Variants in KCNMB2 observed in about 807,000 individuals in gnomAD.
KCNMB2 encodes the protein potassium calcium-activated channel subfamily M regulatory beta subunit 2.
KCNMB2 carries 9 observed loss-of-function variants against 24.5 expected under a neutral mutation model. That is an observed-to-expected ratio of 0.37 (90% confidence interval 0.22 to 0.64). The LOEUF (loss-of-function observed/expected upper bound fraction) is 0.64, where lower values mean the gene tolerates loss of function less well. KCNMB2 is among the 30% of genes least tolerant of loss of function. KCNMB2 has a pLI of 0.63. For synonymous variants in KCNMB2, 109 were observed against 104.4 expected (o/e 1.04, Z -0.27); for missense variants, 226 against 284.3 (o/e 0.79, Z 1.47).
intron 2 of KCNMB2, among the ~76,000 whole-genome samples, chr3:178,807,753 C>T (rs1318971728): frequency 6.6e-6 from 1 of 152,156 alleles, no homozygotes; most frequent in Middle Eastern, 3.2e-3. Flanking sequence ...TCAATAAGAA[C>T]CACCACTCCC....
rs939776445 is a variant in KCNMB2 at position 178,654,410 on chromosome 3, AT to A, written c.-68+117702del. 1.2e-4 allele frequency among the ~76,000 whole-genome samples: 18 copies of A among 152,190 alleles called. 1 individual carries two copies. Among genetic ancestry groups the A allele is most frequent in the African/African-American group, 4.3e-4 (18 of 41,468 alleles). On this transcript the variant is annotated intron_variant, in intron 1 of 4. Coordinates refer to ENST00000452583, the MANE Select transcript of KCNMB2 (RefSeq NM_181361.3). ...CAGGAAAATTTACAGCTTTGAATAC[AT>A]TTATCACAAAACAAAGATGACCAAA...
intron 1 of KCNMB2, among the ~76,000 whole-genome samples, chr3:178,688,908 ATT>A (rs1721566340): frequency 1.3e-5 from 2 of 152,186 alleles, no homozygotes; most frequent in South Asian, 4.1e-4. Context: ...ATCAGTATTT[ATT>A]TTTATTTGAA....
intron 1 of KCNMB2, among the ~76,000 whole-genome samples, chr3:178,583,500 G>T (rs57263127): frequency 0.13 from 19,688 of 152,094 alleles, 1,751 homozygotes; most frequent in African/African-American, 0.26. Flanking sequence ...TAAGAACTTT[G>T]AGCTATTTAT....
At chr3:178,824,424 G>A (rs1393808265) in intron 2 of KCNMB2, 3 of 152,098 alleles carry the variant, frequency 2.0e-5, no homozygotes. Context: ...CTGGAGTGCA[G>A]TGGCATGATC....
chr3:178,741,473 T>C (rs1723494900), intron 1 of KCNMB2, among the ~76,000 whole-genome samples: 1 of 152,190 alleles, frequency 6.6e-6, no homozygotes, highest in African/African-American at 2.4e-5. Context: ...TCCATCACAT[T>C]TATCCCTATC....
intron 1 of KCNMB2, among the ~76,000 whole-genome samples, chr3:178,685,357 T>A (rs1721429458): frequency 6.6e-6 from 1 of 152,230 alleles, no homozygotes; most frequent in Admixed American, 6.5e-5. Context: ...GAATCCACAC[T>A]TGAGAATGCC....
At chr3:178,567,107 A>T (rs761950283) in intron 1 of KCNMB2, among the ~76,000 whole-genome samples, 9 of 152,210 alleles carry the variant, frequency 5.9e-5, no homozygotes, top group Non-Finnish European at 1.2e-4. Context: ...GCATATCACC[A>T]TTCTAGGTTT....
chr3:178,767,128 T>C (rs1712154412), intron 1 of KCNMB2, among the ~76,000 whole-genome samples: 1 of 152,204 alleles, frequency 6.6e-6, no homozygotes, highest in Non-Finnish European at 1.5e-5. Context: ...ATTATCTGGT[T>C]CAAAATGTGA....
chr3:178,836,671 A>G (rs568717077), intron 4 of KCNMB2, among the ~76,000 whole-genome samples: 1 of 152,270 alleles, frequency 6.6e-6, no homozygotes, highest in African/African-American at 2.4e-5. Flanking sequence ...ACCTATAGCC[A>G]TGGTAAAATA....
At chr3:178,561,794 G>C (rs988749904) in intron 1 of KCNMB2, among the ~76,000 whole-genome samples, 20 of 152,150 alleles carry the variant, frequency 1.3e-4, no homozygotes, top group Non-Finnish European at 8.8e-5. Context: ...GGTGAAGGAA[G>C]AGTGACAAAA....
At chr3:178,798,905 G>A (rs553506224) in intron 1 of KCNMB2, among the ~76,000 whole-genome samples, 2 of 151,038 alleles carry the variant, frequency 1.3e-5, no homozygotes, top group East Asian at 1.9e-4. Context: ...GAAAAAAAAA[G>A]AAATAAAAAT....
At chr3:178,801,933 G>A (rs1713792100) in intron 1 of KCNMB2, 1 of 152,178 alleles carries the variant, frequency 6.6e-6, no homozygotes, top group Admixed American at 6.6e-5. Flanking sequence ...CTAGGACAGT[G>A]CCTGGAATGT....
At chr3:178,826,208 A>G (rs2108468295) in intron 3 of KCNMB2, among the ~76,000 whole-genome samples, 1 of 150,498 alleles carries the variant, frequency 6.6e-6, no homozygotes, top group Admixed American at 6.6e-5. Context: ...CCCCTCCCTC[A>G]CCTTCCACGT....
chr3:178,540,153 G>A (rs1715569151), intron 1 of KCNMB2, among the ~76,000 whole-genome samples: 1 of 152,138 alleles, frequency 6.6e-6, no homozygotes, highest in Admixed American at 6.5e-5. Context: ...GAACTTCACT[G>A]TTGCACTTGC....
Position 178,807,721 on chromosome 3 carries a change from A to C in KCNMB2, c.56+256A>C, listed in dbSNP as rs370337294. Among the ~76,000 whole-genome samples, 93 of 152,054 alleles carry C rather than the reference A, an allele frequency of 6.1e-4. 1 individual carries two copies. The highest frequency in any genetic ancestry group is 2.0e-3 in the African/African-American group (84 of 41,498). On this transcript the variant is annotated intron_variant, in intron 2 of 4. Coordinates refer to ENST00000452583, the MANE Select transcript of KCNMB2 (RefSeq NM_181361.3). ...ATGTCACAAGCTCTTTGCTTAGCTAACTCCAGCTCTGCTTTCAGATATCAA... is the reference window on the plus strand; with the variant it reads ...ATGTCACAAGCTCTTTGCTTAGCTACCTCCAGCTCTGCTTTCAGATATCAA...
chr3:178,553,407 T>G (rs1010567200), intron 1 of KCNMB2, among the ~76,000 whole-genome samples: 3 of 152,062 alleles, frequency 2.0e-5, no homozygotes, highest in African/African-American at 4.8e-5. Flanking sequence ...GAAAACAAAA[T>G]TAAAAGGCAT....
At chr3:178,629,219 C>T (rs1467117304) in intron 1 of KCNMB2, among the ~76,000 whole-genome samples, 1 of 152,142 alleles carries the variant, frequency 6.6e-6, no homozygotes, top group African/African-American at 2.4e-5. Context: ...TATACATAGT[C>T]TTACATTTTT....
intron 1 of KCNMB2, among the ~76,000 whole-genome samples, chr3:178,784,943 G>A (rs760584545): frequency 1.5e-4 from 23 of 150,204 alleles, no homozygotes; most frequent in South Asian, 1.5e-3. Flanking sequence ...TTGGCATCTG[G>A]CCCAGAATAT....
At chr3:178,700,667 A>C (rs569460770) in intron 1 of KCNMB2, among the ~76,000 whole-genome samples, 1 of 152,340 alleles carries the variant, frequency 6.6e-6, no homozygotes, top group East Asian at 1.9e-4. Context: ...AGATTTGAGA[A>C]GATATTTGCA....
Sources: allele counts gnomAD v4.1 joint callset (sites outside exome capture counted in the v4.1 genomes callset), GRCh38; gene constraint gnomAD v4.1.1; transcripts MANE v1.5; gene names NCBI Gene and HGNC (gene_info 2026-07-23, HGNC 2026-07-21).